PTDSS1: variants seen among roughly 807,000 people sequenced by gnomAD.
The protein encoded by PTDSS1 is PSS-1.
A neutral mutation model predicts 70.5 loss-of-function variants in PTDSS1; 45 were observed. The ratio of observed to expected loss-of-function variants is 0.64; its 90% CI spans 0.50 to 0.82. PTDSS1 has a LOEUF of 0.82. Ranked by LOEUF, PTDSS1 falls within the 40% of genes least tolerant of loss-of-function variation. The pLI is 0.00. For synonymous variants in PTDSS1, 188 were observed against 203.8 expected, an observed-to-expected ratio of 0.92 and a Z score of 0.66; for missense variants, 417 against 586.1, an observed-to-expected ratio of 0.71 and a Z score of 2.98.
intron 12 of PTDSS1, among the ~76,000 whole-genome samples, 164 bp from the exon 13 acceptor site, chr8:96,333,293 T>C (rs1025417454): frequency 6.6e-6 from 1 of 152,084 alleles, no homozygotes; most frequent in African/African-American, 2.4e-5. Context: ...TCAGTACTAG[T>C]TCTGTGTTTG....
chr8:96,314,839 G>T (rs1009900587), intron 9 of PTDSS1, among the ~76,000 whole-genome samples: 2 of 151,932 alleles, frequency 1.3e-5, no homozygotes, highest in Non-Finnish European at 2.9e-5. Context: ...CTCGTGATCC[G>T]CCCACCTCAG....
At chr8:96,283,877 T>C (rs1563566707) in intron 2 of PTDSS1, 1 of 459,154 alleles carries the variant, frequency 2.2e-6, no homozygotes, top group Admixed American at 4.1e-5. Context: ...TTATAAAAAA[T>C]CTCTGTTGTG....
rs750138177 is a variant in PTDSS1 at position 96,295,168 on chromosome 8, G to A, written c.512G>A (p.Gly171Glu). 1 of 1,614,140 alleles carries A rather than the reference G, an allele frequency of 6.2e-7. No individual in the cohort carries two copies. Among genetic ancestry groups the A allele is most frequent in the South Asian group, 1.1e-5 (1 of 91,076 alleles). ...AGCCACTTTGATATTTTTGCATTTG[G>A]ACATTTCTGGGGCTGGGCCATGAAG... ...IISHFDIFAF[G>E]HFWGWAMKAL... The change falls in exon 5 of 13, where the codon GGA (glycine) becomes GAA (glutamate). Residue 171 changes from glycine to glutamate, a missense_variant. Physicochemically the swap from Gly to Glu is moderately conservative, Grantham distance 98. This residue lies in a region of PTDSS1 where 272 missense variants were observed against 429.5 expected (regional missense o/e 0.63). Coordinates refer to ENST00000517309, the MANE Select transcript of PTDSS1 (RefSeq NM_014754.3).
Position 96,287,005 on chromosome 8 carries a change from G to A in PTDSS1, c.317-17G>A. ...TTGGATCTCTTCTAAACTTCAGCAT[G>A]TTTTTGTTTCTCTCAGGACTCAGTG... On this transcript the variant is annotated splice_polypyrimidine_tract_variant and intron_variant, in intron 3 of 12. Transcript: ENST00000517309. 1.2e-6 allele frequency: 2 copies of A among 1,613,646 alleles called. No individual in the cohort carries two copies.
chr8:96,284,267 T>C, intron 3 of PTDSS1, 114 bp downstream of exon 3: 1 of 998,882 alleles, frequency 1.0e-6, no homozygotes, highest in East Asian at 2.6e-5. Context: ...ATTCTAGCTT[T>C]TTGCTTTTTG....
At position 96,277,426 on chromosome 8, in the gene PTDSS1, C is replaced by T. The variant is rs556381057; in HGVS notation, c.271+4036C>T. On this transcript the variant is annotated intron_variant, in intron 2 of 12. Coordinates refer to ENST00000517309, the MANE Select transcript of PTDSS1 (RefSeq NM_014754.3). ...GGCCTCCCCAGGAGCCCATGCTGAA[C>T]GGCTGTCTCTGTGAGTGGAGTGTAC... Among the ~76,000 whole-genome samples, 30 of 152,330 alleles carry T rather than the reference C, an allele frequency of 2.0e-4. No homozygotes were observed. In the South Asian group the frequency reaches 3.3e-3, roughly 17 times the overall value.
chr8:96,285,716 G>C (rs992696725), intron 3 of PTDSS1, among the ~76,000 whole-genome samples: 2 of 152,082 alleles, frequency 1.3e-5, no homozygotes, highest in Admixed American at 1.3e-4. Context: ...GTGCATCCAT[G>C]GACATTGACC....
chr8:96,314,511 C>T (rs932704843), intron 9 of PTDSS1, among the ~76,000 whole-genome samples: 15 of 152,164 alleles, frequency 9.9e-5, no homozygotes, highest in Admixed American at 4.6e-4. Flanking sequence ...CCCTTCTCCT[C>T]GTGACTGTGT....
At chr8:96,314,838 C>T (rs751534389) in intron 9 of PTDSS1, among the ~76,000 whole-genome samples, 3 of 152,104 alleles carry the variant, frequency 2.0e-5, no homozygotes, top group South Asian at 4.1e-4. Context: ...CCTCGTGATC[C>T]GCCCACCTCA....
At chr8:96,289,073 T>G (rs1300053159) in intron 4 of PTDSS1, among the ~76,000 whole-genome samples, 1 of 152,014 alleles carries the variant, frequency 6.6e-6, no homozygotes, top group Non-Finnish European at 1.5e-5. Flanking sequence ...TAGCTGGGAC[T>G]ACAGGCGCCT....
At chr8:96,289,018 T>C (rs1810864873) in intron 4 of PTDSS1, among the ~76,000 whole-genome samples, 1 of 151,798 alleles carries the variant, frequency 6.6e-6, no homozygotes, top group Non-Finnish European at 1.5e-5. Flanking sequence ...CACTGTAACC[T>C]CCACCTCCCT....
intron 10 of PTDSS1, among the ~76,000 whole-genome samples, chr8:96,324,309 GCTC>G (rs2130168727): frequency 6.6e-6 from 1 of 152,242 alleles, no homozygotes; most frequent in African/African-American, 2.4e-5. Flanking sequence ...TTTCTAGCCT[GCTC>G]CTCCAAATTC....
intron 3 of PTDSS1, among the ~76,000 whole-genome samples, chr8:96,285,187 T>C (rs1810804124): frequency 2.0e-5 from 3 of 152,188 alleles, no homozygotes; most frequent in Non-Finnish European, 4.4e-5. Context: ...GAGGGAGTGA[T>C]GCCAAGTCTG....
intron 1 of PTDSS1, among the ~76,000 whole-genome samples, chr8:96,265,314 G>T (rs751114123): frequency 3.3e-4 from 50 of 152,264 alleles, no homozygotes; most frequent in Admixed American, 1.3e-3. Context: ...CAGTACTTGG[G>T]TACTGTCACA....
intron 9 of PTDSS1, among the ~76,000 whole-genome samples, chr8:96,310,109 G>A (rs1041030614): frequency 6.6e-6 from 1 of 151,872 alleles, no homozygotes; most frequent in Non-Finnish European, 1.5e-5. Context: ...ACTCCAGCCT[G>A]GGCGATAGAG....
At chr8:96,330,594 C>G in intron 11 of PTDSS1, 1 of 423,908 alleles carries the variant, frequency 2.4e-6, no homozygotes, top group Non-Finnish European at 4.4e-6. Context: ...GGGTTTTCTC[C>G]CCAGCTCTTG....
intron 5 of PTDSS1, among the ~76,000 whole-genome samples, chr8:96,297,247 T>C (rs1341846012): frequency 1.3e-5 from 2 of 152,150 alleles, no homozygotes; most frequent in African/African-American, 4.8e-5. Context: ...GGTGCGATCT[T>C]GGCTCACTGC....
chr8:96,277,287 A>G (rs1810662380), intron 2 of PTDSS1, among the ~76,000 whole-genome samples: 1 of 152,236 alleles, frequency 6.6e-6, no homozygotes, highest in Non-Finnish European at 1.5e-5. Flanking sequence ...ATATTTTCAA[A>G]TTAGGGATGG....
intron 10 of PTDSS1, among the ~76,000 whole-genome samples, chr8:96,329,083 A>T (rs1029651938): frequency 1.3e-5 from 2 of 152,136 alleles, no homozygotes; most frequent in Admixed American, 6.5e-5. Flanking sequence ...TTGGATCTAA[A>T]GTTATGATTC....
Sources: allele counts gnomAD v4.1 joint callset (sites outside exome capture counted in the v4.1 genomes callset), GRCh38; gene constraint gnomAD v4.1.1; regional missense constraint gnomAD v4.1.1; transcripts MANE v1.5; gene names NCBI Gene and HGNC (gene_info 2026-07-23, HGNC 2026-07-21).